KMT2E: variants seen among roughly 807,000 people sequenced by gnomAD.
KMT2E encodes the protein lysine methyltransferase 2E (inactive).
A neutral mutation model predicts 184.6 loss-of-function variants in KMT2E; 30 were observed. That is an observed-to-expected ratio of 0.16 (90% CI 0.12 to 0.22). The LOEUF is 0.22. Ranked by LOEUF, KMT2E falls within the 10% of genes least tolerant of loss-of-function variation. The pLI, the probability that KMT2E is intolerant of heterozygous loss-of-function variation, is 1.00. For missense variants in KMT2E, 2,023 were observed against 2,237.4 expected (o/e 0.90, Z 1.93); for synonymous variants, 815 against 776.5 (o/e 1.05, Z -0.82).
chr7:105,068,705 G>A (rs1330674981), intron 6 of KMT2E, among the ~76,000 whole-genome samples: 1 of 148,120 alleles, frequency 6.8e-6, no homozygotes, highest in South Asian at 2.1e-4. Flanking sequence ...GAACTCTTGG[G>A]CTCAAGCAAT....
At chr7:105,091,119 G>C (rs1798186419) in intron 14 of KMT2E, 97 bp from the exon 15 acceptor site, 1 of 600,678 alleles carries the variant, frequency 1.7e-6, no homozygotes. Flanking sequence ...TGTACATGTT[G>C]AATTTGTTGT....
chr7:105,073,295 G>A (rs139558303), intron 6 of KMT2E, among the ~76,000 whole-genome samples: 6 of 151,930 alleles, frequency 3.9e-5, no homozygotes, highest in Admixed American at 3.3e-4. Context: ...TACTCAGGAG[G>A]CTGAGGCAGG....
intron 1 of KMT2E, among the ~76,000 whole-genome samples, chr7:105,015,774 C>T (rs1222204587): frequency 1.3e-5 from 2 of 152,092 alleles, no homozygotes; most frequent in Non-Finnish European, 2.9e-5. Flanking sequence ...ATTATGTTTA[C>T]ATGAAAAGAC....
At chr7:105,025,426 C>A (rs1795138568) in intron 1 of KMT2E, among the ~76,000 whole-genome samples, 1 of 152,076 alleles carries the variant, frequency 6.6e-6, no homozygotes, top group Non-Finnish European at 1.5e-5. Flanking sequence ...TCTCTGACTT[C>A]TGTGTGTAAG....
At chr7:105,063,023 T>C (rs1203907378) in intron 4 of KMT2E, among the ~76,000 whole-genome samples, 1 of 151,500 alleles carries the variant, frequency 6.6e-6, no homozygotes, top group Non-Finnish European at 1.5e-5. Flanking sequence ...TTAACACTTC[T>C]ATTCTCACAT....
At chr7:105,051,304 G>C (rs1298307811) in intron 3 of KMT2E, among the ~76,000 whole-genome samples, 1 of 152,022 alleles carries the variant, frequency 6.6e-6, no homozygotes, top group African/African-American at 2.4e-5. Flanking sequence ...TCCTGCCTCA[G>C]CTTCCCAAGT....
Position 105,077,418 on chromosome 7 carries a change from G to A in KMT2E, c.1115G>A (p.Gly372Glu), listed in dbSNP as rs781498883. ...FMLREQFEAN[G>E]YFFKRPYPFV... ...CTGAGAGAACAGTTTGAAGCAAATG[G>A]GTATTTCTTTAAAAGGTATATTCAT... The change falls in exon 11 of 27, where the codon GGG (glycine) becomes GAG (glutamate). Residue 372 changes from glycine to glutamate, a missense_variant. Gly to Glu is a moderately conservative substitution (Grantham distance 98). Around this residue, in one of 8 missense-constraint regions of KMT2E, gnomAD observed 68 missense variants for 133.1 expected, o/e 0.51. Transcript: ENST00000311117. The A allele has an allele frequency of 6.2e-7, 1 of 1,605,648 alleles. No homozygotes were observed.
At chr7:105,028,104 C>T (rs908597974) in intron 1 of KMT2E, among the ~76,000 whole-genome samples, 2 of 151,388 alleles carry the variant, frequency 1.3e-5, no homozygotes, top group Non-Finnish European at 1.5e-5. Context: ...GTCTACATAT[C>T]GTACTCTGAG....
intron 3 of KMT2E, among the ~76,000 whole-genome samples, chr7:105,049,430 T>G (rs1308558206): frequency 6.0e-5 from 9 of 150,736 alleles, no homozygotes; most frequent in Admixed American, 6.6e-5. Context: ...GGTGACAAAG[T>G]GAGACCTTGT....
chr7:105,037,592 G>A (rs1236672122), intron 1 of KMT2E, among the ~76,000 whole-genome samples: 2 of 152,032 alleles, frequency 1.3e-5, no homozygotes, highest in South Asian at 2.1e-4. Context: ...TGAACTCCTG[G>A]GCTCAAGTAG....
chr7:105,112,804 CTCCTGGT>C lies in KMT2E; in HGVS notation c.5049_5055del (p.Pro1684LeufsTer26). ...CACCACTTACCCCCACCCCCACCCC[CTCCTGGT>C]CCTGCCCCTCATCACCATCCACCAC... On this transcript the variant is annotated frameshift_variant, in exon 27 of 27. Coordinates refer to ENST00000311117, the MANE Select transcript of KMT2E (RefSeq NM_182931.3). LOFTEE classifies it high-confidence loss of function. 1 of 1,600,628 alleles carries C rather than the reference CTCCTGGT, an allele frequency of 6.2e-7. No homozygotes were observed. Among genetic ancestry groups the C allele is most frequent in the Non-Finnish European group, 8.5e-7 (1 of 1,173,210 alleles).
chr7:105,047,608 T>G (rs1796160314), intron 3 of KMT2E, among the ~76,000 whole-genome samples: 5 of 152,230 alleles, frequency 3.3e-5, no homozygotes, highest in Admixed American at 3.3e-4. Flanking sequence ...CTGCATTATT[T>G]TTATACTGTG....
intron 3 of KMT2E, among the ~76,000 whole-genome samples, chr7:105,044,020 C>G (rs1472571064): frequency 2.0e-5 from 3 of 152,140 alleles, no homozygotes; most frequent in Admixed American, 6.6e-5. Context: ...ATCACTTGAG[C>G]CCAGGAGTTC....
chr7:105,085,643 A>G (rs1241464732), intron 13 of KMT2E, among the ~76,000 whole-genome samples: 2 of 151,918 alleles, frequency 1.3e-5, no homozygotes, highest in East Asian at 1.9e-4. Context: ...TAGCAGCCAC[A>G]TTGCATCTGT....
chr7:105,023,421 A>AAAAAAAAAG (rs1230122307), intron 1 of KMT2E, among the ~76,000 whole-genome samples: 1 of 149,770 alleles, frequency 6.7e-6, no homozygotes, highest in East Asian at 2.0e-4. Flanking sequence ...AAAAAAAAAA[A>AAAAAAAAAG]AGAGAGACAA....
At position 105,106,764 on chromosome 7, in the gene KMT2E, C is replaced by T; in HGVS notation, c.2839C>T (p.His947Tyr). The change falls in exon 20 of 27, where the codon CAC becomes TAC. Residue 947 changes from histidine (H) to tyrosine (Y), a missense_variant. Around this residue, in one of 8 missense-constraint regions of KMT2E, gnomAD observed 514 missense variants for 621.8 expected, o/e 0.83. Transcript: ENST00000311117. ...VTPGTPGNTM[H>Y]FENISSPESS... ...TCCTGGTACACCAGGAAATACCATG[C>T]ACTTTGAGGTGAGAAATTTTAATGG... 3 of 1,609,708 alleles carry T rather than the reference C, an allele frequency of 1.9e-6. No individual in the cohort carries two copies. Among genetic ancestry groups the T allele is most frequent in the East Asian group, 4.5e-5 (2 of 44,820 alleles).
intron 13 of KMT2E, among the ~76,000 whole-genome samples, chr7:105,087,715 C>A (rs1055325989): frequency 1.3e-5 from 2 of 151,946 alleles, no homozygotes; most frequent in Non-Finnish European, 2.9e-5. Flanking sequence ...TGAATTACCA[C>A]GCCCAGCCTC....
In KMT2E at chr7:105,112,624, C is replaced by T. The variant is rs1436137374; in HGVS notation, c.4868C>T (p.Ala1623Val). ...QNPTIHHQTA[A>V]AVVPPPPPPP... ...CCTACCATTCACCATCAAACTGCTGCTGCCGTAGTCCCCCCTCCTCCTCCA... is the reference window on the plus strand; with the variant it reads ...CCTACCATTCACCATCAAACTGCTGTTGCCGTAGTCCCCCCTCCTCCTCCA... Residue 1623 changes from alanine (A) to valine (V), a missense_variant, in exon 27 of 27, where the codon GCT (alanine) becomes GTT (valine). By Grantham distance (64) the Ala-to-Val change is moderately conservative (BLOSUM62 0). Around this residue, in one of 8 missense-constraint regions of KMT2E, gnomAD observed 1,108 missense variants for 1,050.9 expected, o/e 1.05. Coordinates refer to ENST00000311117, the MANE Select transcript of KMT2E (RefSeq NM_182931.3). 7.4e-6 allele frequency: 12 copies of T among 1,613,992 alleles called. No homozygotes were observed. The highest frequency in any genetic ancestry group is 1.0e-5 in the Non-Finnish European group (12 of 1,179,990).
intron 4 of KMT2E, among the ~76,000 whole-genome samples, chr7:105,062,735 TTTTA>T (rs1796869182): frequency 6.6e-6 from 1 of 151,848 alleles, no homozygotes. Flanking sequence ...AGTTTTCATC[TTTTA>T]TTTCATAGGT....
Sources: allele counts gnomAD v4.1 joint callset (sites outside exome capture counted in the v4.1 genomes callset), GRCh38; gene constraint gnomAD v4.1.1; regional missense constraint gnomAD v4.1.1; transcripts MANE v1.5; gene names NCBI Gene and HGNC (gene_info 2026-07-23, HGNC 2026-07-21).